Variants in GRB14 observed in about 807,000 individuals in gnomAD.
The protein encoded by GRB14 is growth factor receptor-bound protein 14.
Under a neutral mutation model 69.1 loss-of-function variants are expected in GRB14, and 38 were observed. The ratio of observed to expected loss-of-function variants is 0.55; its 90% CI spans 0.42 to 0.72. GRB14 has a LOEUF of 0.72. Ranked by LOEUF, GRB14 falls within the 30% of genes least tolerant of loss-of-function variation. The probability of loss-of-function intolerance (pLI) is 0.00; values close to 1 mark genes in which losing one functional copy is unlikely to be tolerated. For missense variants in GRB14, 666 were observed against 666.1 expected, an observed-to-expected ratio of 1.00 and a Z score of 0.00; for synonymous variants, 247 against 241.3, an observed-to-expected ratio of 1.02 and a Z score of -0.22.
Position 164,564,360 on chromosome 2 carries a change from T to C in GRB14, c.325-16544A>G, listed in dbSNP as rs543864238. On this transcript the variant is annotated intron_variant, in intron 2 of 13. Coordinates refer to ENST00000263915, the MANE Select transcript of GRB14 (RefSeq NM_004490.3). ...GCTAAGGAAGCCTGGACTGATTTTG[T>C]GCATGTTTAAAAGATTCTGGGAAAA... 7.3e-4 allele frequency among the ~76,000 whole-genome samples: 111 copies of C among 152,330 alleles called. 1 individual carries two copies. The highest frequency in any genetic ancestry group is 1.3e-3 in the Non-Finnish European group (87 of 68,024).
chr2:164,605,679 G>C (rs527822226), intron 2 of GRB14, among the ~76,000 whole-genome samples: 5 of 152,294 alleles, frequency 3.3e-5, no homozygotes, highest in African/African-American at 1.2e-4. Flanking sequence ...CTCAAAAGTA[G>C]GTCTTCAGGA....
intron 2 of GRB14, among the ~76,000 whole-genome samples, chr2:164,562,289 G>C (rs968874947): frequency 6.6e-6 from 1 of 152,148 alleles, no homozygotes; most frequent in Non-Finnish European, 1.5e-5. Context: ...GACACTGAAA[G>C]GAGGAGTAAT....
chr2:164,601,057 A>G (rs1394430683), intron 2 of GRB14, among the ~76,000 whole-genome samples: 2 of 152,166 alleles, frequency 1.3e-5, no homozygotes, highest in African/African-American at 4.8e-5. Flanking sequence ...GCCACAGGGC[A>G]GAATTTTTAC....
chr2:164,550,716 C>T (rs1005843839), intron 2 of GRB14, among the ~76,000 whole-genome samples: 1 of 151,816 alleles, frequency 6.6e-6, no homozygotes, highest in Non-Finnish European at 1.5e-5. Flanking sequence ...TTGACCTAAA[C>T]ATCCAACAAT....
chr2:164,536,964 G>A (rs1447916184), intron 3 of GRB14, among the ~76,000 whole-genome samples: 5 of 152,146 alleles, frequency 3.3e-5, no homozygotes, highest in African/African-American at 1.2e-4. Flanking sequence ...TTCAGGATTT[G>A]CAATTGCCCA....
At chr2:164,513,431 C>T (rs1012475536) in intron 6 of GRB14, among the ~76,000 whole-genome samples, 4 of 151,942 alleles carry the variant, frequency 2.6e-5, no homozygotes, top group Non-Finnish European at 5.9e-5. Flanking sequence ...GGCCCAAAAT[C>T]CAATGACAAG....
chr2:164,599,475 A>G (rs2105351115), intron 2 of GRB14, among the ~76,000 whole-genome samples: 1 of 152,372 alleles, frequency 6.6e-6, no homozygotes, highest in African/African-American at 2.4e-5. Context: ...TTCATAGCAG[A>G]AACTGAAGAG....
chr2:164,555,285 G>A (rs1179059383), intron 2 of GRB14, among the ~76,000 whole-genome samples: 1 of 152,196 alleles, frequency 6.6e-6, no homozygotes, highest in African/African-American at 2.4e-5. Context: ...GAATGTCACG[G>A]AGCAGAAGAG....
intron 2 of GRB14, among the ~76,000 whole-genome samples, chr2:164,580,176 C>A (rs370049739): frequency 2.0e-5 from 3 of 151,330 alleles, no homozygotes; most frequent in Admixed American, 6.6e-5. Context: ...CTCACTGCAA[C>A]CTCTGCCTCC....
chr2:164,493,904 ACAG>A (rs772799191), intron 13 of GRB14, among the ~76,000 whole-genome samples: 16 of 152,164 alleles, frequency 1.1e-4, no homozygotes, highest in Admixed American at 3.9e-4. Flanking sequence ...ACACAGACAC[ACAG>A]CAGAAGAGGC....
At chr2:164,553,735 C>T (rs890151456) in intron 2 of GRB14, among the ~76,000 whole-genome samples, 1 of 152,056 alleles carries the variant, frequency 6.6e-6, no homozygotes, top group Admixed American at 6.6e-5. Context: ...GAGGCCAAGG[C>T]GGGCAGATCA....
chr2:164,555,166 TCCTTG>T (rs1406204873), intron 2 of GRB14, among the ~76,000 whole-genome samples: 1 of 152,208 alleles, frequency 6.6e-6, no homozygotes, highest in African/African-American at 2.4e-5. Context: ...TTTCTCCTCC[TCCTTG>T]CTGACTCCAA....
intron 12 of GRB14, among the ~76,000 whole-genome samples, chr2:164,495,028 G>A (rs535651077): frequency 2.4e-4 from 37 of 151,812 alleles, no homozygotes; most frequent in African/African-American, 8.7e-4. Context: ...TGCAATCTCC[G>A]CCTCCAGGGT....
intron 6 of GRB14, among the ~76,000 whole-genome samples, chr2:164,518,117 G>A (rs183757801): frequency 6.6e-6 from 1 of 152,102 alleles, no homozygotes; most frequent in East Asian, 1.9e-4. Context: ...CATATGATAC[G>A]CCACAAAACA....
intron 2 of GRB14, among the ~76,000 whole-genome samples, chr2:164,555,774 G>C (rs969067084): frequency 2.6e-5 from 4 of 151,164 alleles, no homozygotes; most frequent in Non-Finnish European, 2.9e-5. Flanking sequence ...TTAACATATA[G>C]TTAATACAAG....
intron 3 of GRB14, among the ~76,000 whole-genome samples, chr2:164,529,586 C>T (rs1247412550): frequency 1.3e-5 from 2 of 152,158 alleles, no homozygotes; most frequent in African/African-American, 4.8e-5. Context: ...GCTCCAATAT[C>T]TTCTACTCCT....
intron 6 of GRB14, among the ~76,000 whole-genome samples, chr2:164,509,156 G>T (rs541014535): frequency 6.6e-6 from 1 of 152,184 alleles, no homozygotes; most frequent in Non-Finnish European, 1.5e-5. Flanking sequence ...ATCTGAGAGA[G>T]AAAAAAGTTA....
chr2:164,587,938 GT>G (rs992663750), intron 2 of GRB14, among the ~76,000 whole-genome samples: 228 of 152,260 alleles, frequency 1.5e-3, no homozygotes, highest in African/African-American at 5.3e-3. Flanking sequence ...CAAAGGCAGT[GT>G]TTGCCATGAT....
At chr2:164,577,232 A>C (rs1383255636) in intron 2 of GRB14, among the ~76,000 whole-genome samples, 1 of 152,244 alleles carries the variant, frequency 6.6e-6, no homozygotes, top group Non-Finnish European at 1.5e-5. Context: ...TTCAAAGTTA[A>C]GAAAATGTAC....
Sources: allele counts gnomAD v4.1 joint callset (sites outside exome capture counted in the v4.1 genomes callset), GRCh38; gene constraint gnomAD v4.1.1; transcripts MANE v1.5; gene names NCBI Gene and HGNC (gene_info 2026-07-23, HGNC 2026-07-21).